CLSTN3: variants seen among roughly 807,000 people sequenced by gnomAD.
The protein encoded by CLSTN3 is calsyntenin-3.
A neutral mutation model predicts 95.9 loss-of-function variants in CLSTN3; 36 were observed. That is an observed-to-expected ratio of 0.38 (90% CI 0.29 to 0.50). CLSTN3 has a LOEUF of 0.50. Ranked by LOEUF, CLSTN3 falls within the 20% of genes least tolerant of loss-of-function variation. The pLI, the probability that CLSTN3 is intolerant of heterozygous loss-of-function variation, is 0.95. For synonymous variants in CLSTN3, 481 were observed against 504.0 expected (o/e 0.95, Z 0.61); for missense variants, 1,084 against 1,268.8 (o/e 0.85, Z 2.21).
chr12:7,131,209 C>T, intron 1 of CLSTN3: 1 of 234,724 alleles, frequency 4.3e-6, no homozygotes, highest in East Asian at 1.2e-4. Flanking sequence ...TGTGCCTCTG[C>T]ATTCAGACCC....
In CLSTN3 at chr12:7,149,662, C is replaced by G; in HGVS notation, c.2214C>G (p.Leu738=). The change falls in exon 14 of 18, where the codon CTC becomes CTG. Residue 738 remains leucine, a synonymous_variant. Coordinates refer to ENST00000266546, the MANE Select transcript of CLSTN3 (RefSeq NM_014718.4). This position sits in a 1 kb window ranked among gnomAD's most constrained non-coding sequence, Gnocchi z 4.5. ...TTSLQQRGLE[L]TNTSAYLTIA... ...CTCTGCAGCAGCGGGGGCTGGAGCT[C>G]ACCAACACATCTGCCTACCTCACTA... is the stretch of plus-strand genomic sequence containing the variant. The G allele has an allele frequency of 1.9e-6, 3 of 1,614,086 alleles. No individual in the cohort carries two copies. The highest frequency in any genetic ancestry group is 1.7e-6 in the Non-Finnish European group (2 of 1,179,962).
At chr12:7,156,999 C>T in intron 16 of CLSTN3, 1 of 361,274 alleles carries the variant, frequency 2.8e-6, no homozygotes, top group South Asian at 2.1e-5. Flanking sequence ...GTGCCCTCTT[C>T]CTGCAGCCAG....
chr12:7,153,579 A>G (rs1939763671), intron 16 of CLSTN3, among the ~76,000 whole-genome samples: 1 of 152,204 alleles, frequency 6.6e-6, no homozygotes, highest in Admixed American at 6.5e-5. Flanking sequence ...GTCAATAGAG[A>G]CATGTTAGCA....
chr12:7,151,100 G>C, intron 16 of CLSTN3, 37 bp downstream of exon 16: 1 of 1,516,636 alleles, frequency 6.6e-7, no homozygotes, highest in Non-Finnish European at 8.9e-7. Flanking sequence ...GGGAGGGGCA[G>C]GTGGCAGGTG....
rs774832435 is a variant in CLSTN3, at chr12:7,149,640, T to C, written c.2192T>C (p.Leu731Pro). 1.2e-6 allele frequency: 2 copies of C among 1,614,092 alleles called. No homozygotes were observed. Among genetic ancestry groups the C allele is most frequent in the African/African-American group, 2.7e-5 (2 of 74,936 alleles). Residue 731 changes from leucine (L) to proline (P), a missense_variant, in exon 14 of 18, where the codon CTG becomes CCG. Physicochemically the swap from Leu to Pro is moderately conservative, Grantham distance 98. Transcript: ENST00000266546. The surrounding 1 kb of genome is among the most constrained non-coding windows in gnomAD (Gnocchi z 4.5). ...AGCCTGCTCCTGGACACAACCTCTC[T>C]GCAGCAGCGGGGGCTGGAGCTCACC... is the stretch of plus-strand genomic sequence containing the variant. ...RESLLLDTTS[L>P]QQRGLELTNT...
Position 7,130,545 on chromosome 12 carries a change from C to T in CLSTN3, c.-104C>T. On this transcript the variant is annotated 5_prime_UTR_variant, in exon 1 of 18. Coordinates refer to ENST00000266546, the MANE Select transcript of CLSTN3 (RefSeq NM_014718.4). ...TTTCCGTCCCTGCCCTGCTGTACCCCGCTCCTTGGAGACCCCCTGTATCCC... is the reference window on the plus strand; with the variant it reads ...TTTCCGTCCCTGCCCTGCTGTACCCTGCTCCTTGGAGACCCCCTGTATCCC... The T allele has an allele frequency of 6.5e-7, 1 of 1,545,968 alleles. No individual in the cohort carries two copies. Among genetic ancestry groups the T allele is most frequent in the East Asian group, 2.4e-5 (1 of 40,902 alleles).
At chr12:7,136,512 T>G in intron 6 of CLSTN3, 121 bp downstream of exon 6, 1 of 1,031,172 alleles carries the variant, frequency 9.7e-7, no homozygotes, top group South Asian at 1.7e-5. Flanking sequence ...CCATAGAGGT[T>G]GTGACACGAT....
At chr12:7,154,989 T>G (rs1209494461) in intron 16 of CLSTN3, among the ~76,000 whole-genome samples, 1 of 152,182 alleles carries the variant, frequency 6.6e-6, no homozygotes, top group Admixed American at 6.5e-5. Flanking sequence ...AGAGCCGTGA[T>G]AGGAGCCAAA....
intron 1 of CLSTN3, chr12:7,132,254 G>T (rs747257498): frequency 3.9e-4 from 97 of 250,520 alleles, no homozygotes; most frequent in South Asian, 3.8e-3. Flanking sequence ...TCTTGTGGAG[G>T]ACATAGAAAT....
chr12:7,150,491 G>T lies in CLSTN3; in HGVS notation c.2246-53G>T, dbSNP rs116527974. 6.8e-4 allele frequency: 1,081 copies of T among 1,578,684 alleles called. 3 individuals carry two copies. The African/African-American group carries it at 0.011, about 16-fold the overall frequency. On this transcript the variant is annotated intron_variant, in intron 14 of 17. Transcript: ENST00000266546. This position sits in a 1 kb window ranked among gnomAD's most constrained non-coding sequence, Gnocchi z 4.0. ...GTGGGAGTCCAGGAGAGAGGGTCCT[G>T]CCCAGGTCCTGCCTCCACTGGCCCC...
Position 7,150,680 on chromosome 12 carries a change from C to G in CLSTN3, c.2382C>G (p.Phe794Leu). Residue 794 changes from phenylalanine (F) to leucine (L), a missense_variant, in exon 15 of 18, where the codon TTC (phenylalanine) becomes TTG (leucine). Physicochemically the swap from Phe to Leu is conservative, Grantham distance 22. Transcript: ENST00000266546. This position sits in a 1 kb window ranked among gnomAD's most constrained non-coding sequence, Gnocchi z 4.0. The part of the protein sequence containing the change: ...EMNGRYSSNE[F>L]IVEVNVLHSM... ...ATGGCCGTTACTCCAGCAATGAATTCATCGTGGAGGTACCCAGAGAGTCTC... is the reference window on the plus strand; with the variant it reads ...ATGGCCGTTACTCCAGCAATGAATTGATCGTGGAGGTACCCAGAGAGTCTC... The G allele has an allele frequency of 1.2e-6, 2 of 1,613,552 alleles. No homozygotes were observed. Among genetic ancestry groups the G allele is most frequent in the Non-Finnish European group, 1.7e-6 (2 of 1,179,474 alleles).
At position 7,135,419 on chromosome 12, in the gene CLSTN3, T is replaced by C. The variant is rs1939389373; in HGVS notation, c.476T>C (p.Leu159Pro). 6.2e-7 allele frequency: 1 copy of C among 1,614,052 alleles called. No homozygotes were observed. The highest frequency in any genetic ancestry group is 1.7e-5 in the Admixed American group (1 of 60,006). ...LYRAAVTEGK[L>P]YDRILRVEAI... Reference sequence around the variant, plus strand: ...CGTGCGGCTGTGACAGAGGGGAAGCTGTACGATCGCATCCTGCGGGTGGAA... The same window carrying C: ...CGTGCGGCTGTGACAGAGGGGAAGCCGTACGATCGCATCCTGCGGGTGGAA... Residue 159 changes from leucine to proline, a missense_variant, in exon 4 of 18, where the codon CTG becomes CCG. By Grantham distance (98) the Leu-to-Pro change is moderately conservative. Transcript: ENST00000266546.
Position 7,157,980 on chromosome 12 carries a change from G to T in CLSTN3, c.2770G>T (p.Gly924Trp). ...GCAGTCCTGTGTGACGGGGGCTGTT[G>T]GGGGCCAGCAGGAGGATGAGGACAG... ...NRQSCVTGAV[G>W]GQQEDEDSSD... Residue 924 changes from glycine (G) to tryptophan (W), a missense_variant, in exon 18 of 18, where the codon GGG becomes TGG. Transcript: ENST00000266546. The surrounding 1 kb of genome is among the most constrained non-coding windows in gnomAD (Gnocchi z 5.9). The T allele has an allele frequency of 6.4e-7, 1 of 1,551,300 alleles. No homozygotes were observed.
chr12:7,132,958 G>A (rs1161738840), intron 1 of CLSTN3, 66 bp from the exon 2 acceptor site: 18 of 1,607,030 alleles, frequency 1.1e-5, no homozygotes, highest in Non-Finnish European at 1.4e-5. Flanking sequence ...GGGTCAACAA[G>A]GGTTGTTGTG....
intron 12 of CLSTN3, among the ~76,000 whole-genome samples, chr12:7,143,644 T>G (rs1442176822): frequency 2.0e-5 from 3 of 152,262 alleles, no homozygotes; most frequent in African/African-American, 7.2e-5. Context: ...ACATTAATTC[T>G]GACTCAATGC....
In CLSTN3 at chr12:7,130,660, G is replaced by T. The variant is rs1190637321; in HGVS notation, c.12G>T (p.Leu4=). ...CCCCACGCCGCACCATGACCCTCCT[G>T]CTGCTGCCCCTTCTGCTGGCCTCTC... is the stretch of plus-strand genomic sequence containing the variant. MTL[L]LLPLLLASLL... Residue 4 remains leucine, a synonymous_variant, in exon 1 of 18, where the codon CTG becomes CTT. Transcript: ENST00000266546. 6.4e-7 allele frequency: 1 copy of T among 1,571,912 alleles called. No individual in the cohort carries two copies. Among genetic ancestry groups the T allele is most frequent in the Admixed American group, 1.9e-5 (1 of 53,888 alleles).
At chr12:7,131,744 C>CCTA (rs113297706) in intron 1 of CLSTN3, 14 of 455,260 alleles carry the variant, frequency 3.1e-5, no homozygotes, top group Admixed American at 2.6e-4. Context: ...ACCTCAGCCT[C>CCTA]GCCTCCTAGC....
At chr12:7,151,157 A>G in intron 16 of CLSTN3, 94 bp downstream of exon 16, 1 of 1,387,330 alleles carries the variant, frequency 7.2e-7, no homozygotes. Context: ...GGGAGAGGAC[A>G]AGGTAGGTGG....
intron 16 of CLSTN3, chr12:7,155,881 C>T: frequency 4.4e-6 from 1 of 228,436 alleles, no homozygotes; most frequent in Non-Finnish European, 8.8e-6. Context: ...CTCCACACAC[C>T]TAGTTGGCCC....
Sources: allele counts gnomAD v4.1 joint callset (sites outside exome capture counted in the v4.1 genomes callset), GRCh38; gene constraint gnomAD v4.1.1; non-coding constraint Gnocchi (gnomAD v3.1); transcripts MANE v1.5; gene names NCBI Gene and HGNC (gene_info 2026-07-23, HGNC 2026-07-21).